ADAMTSL1: variants seen among roughly 807,000 people sequenced by gnomAD.
ADAMTSL1 encodes the protein ADAMTS-like protein 1.
In ADAMTSL1, 126 loss-of-function variants were observed where a neutral mutation model predicts 201.8. The observed-to-expected ratio is 0.62, with a 90% CI of 0.54 to 0.72. ADAMTSL1 has a LOEUF of 0.72. ADAMTSL1 is among the 30% of genes least tolerant of loss of function. The probability of loss-of-function intolerance (pLI) is 0.00; values close to 1 mark genes in which losing one functional copy is unlikely to be tolerated. For missense variants in ADAMTSL1, 2,679 were observed against 2,277.8 expected (o/e 1.18, Z -3.59); for synonymous variants, 1,121 against 903.4 (o/e 1.24, Z -4.32).
intron 2 of ADAMTSL1, among the ~76,000 whole-genome samples, chr9:18,197,918 C>T (rs1829257377): frequency 6.6e-6 from 1 of 151,956 alleles, no homozygotes; most frequent in African/African-American, 2.4e-5. Flanking sequence ...AGATATAGAT[C>T]AATGGAACAG....
chr9:18,277,841 C>T (rs766929351), intron 2 of ADAMTSL1, among the ~76,000 whole-genome samples: 1 of 152,114 alleles, frequency 6.6e-6, no homozygotes, highest in Non-Finnish European at 1.5e-5. Context: ...CTACTTATTT[C>T]TGAAGGAACA....
chr9:18,509,153 C>T lies in ADAMTSL1; in HGVS notation c.191+4197C>T, dbSNP rs1343272881. Among the ~76,000 whole-genome samples, 9 of 80,334 alleles carry T rather than the reference C, an allele frequency of 1.1e-4. 1 individual carries two copies. The South Asian group carries it at 2.6e-3, about 23-fold the overall frequency. 52.7% of individuals were successfully genotyped at this position (80,334 alleles called of 152,430 possible). ...GAGCCGAGATTGCGCCACTGCAGTC[C>T]GCAGTCCGGCCTGGGCGACAGAGCG... On this transcript the variant is annotated intron_variant, in intron 2 of 28. Transcript: ENST00000380548.
intron 1 of ADAMTSL1, among the ~76,000 whole-genome samples, chr9:17,922,940 C>A (rs547699719): frequency 6.6e-6 from 1 of 152,152 alleles, no homozygotes; most frequent in Non-Finnish European, 1.5e-5. Context: ...CCAACCCTTA[C>A]GCCCCTCGTG....
chr9:18,079,726 T>A (rs142899319), intron 1 of ADAMTSL1, among the ~76,000 whole-genome samples: 127 of 141,948 alleles, frequency 8.9e-4, no homozygotes, highest in African/African-American at 2.8e-3. Context: ...AATAAATAAA[T>A]AAAATAAAAA....
intron 2 of ADAMTSL1, among the ~76,000 whole-genome samples, chr9:18,402,562 C>T (rs1818024949): frequency 1.3e-5 from 2 of 152,124 alleles, no homozygotes; most frequent in Non-Finnish European, 2.9e-5. Context: ...TCCTAGGGCT[C>T]CTAGGGTGAA....
At chr9:17,972,067 A>G (rs1221590504) in intron 1 of ADAMTSL1, among the ~76,000 whole-genome samples, 2 of 151,804 alleles carry the variant, frequency 1.3e-5, no homozygotes, top group African/African-American at 4.8e-5. Context: ...ACTATACACT[A>G]ATTAACATAT....
chr9:18,646,319 A>G (rs1827809686), intron 7 of ADAMTSL1, among the ~76,000 whole-genome samples: 1 of 152,162 alleles, frequency 6.6e-6, no homozygotes, highest in African/African-American at 2.4e-5. Context: ...TAGATATACA[A>G]TCATGTCATC....
At chr9:18,875,888 T>G (rs1238112562) in intron 23 of ADAMTSL1, among the ~76,000 whole-genome samples, 1 of 152,198 alleles carries the variant, frequency 6.6e-6, no homozygotes, top group Non-Finnish European at 1.5e-5. Context: ...TCTCATTACT[T>G]AAGTCTGGTA....
chr9:18,562,953 G>C (rs1431303050), intron 3 of ADAMTSL1, among the ~76,000 whole-genome samples: 1 of 152,086 alleles, frequency 6.6e-6, no homozygotes, highest in Non-Finnish European at 1.5e-5. Context: ...CTTGCATTGG[G>C]TTAGAACATG....
At chr9:18,756,281 C>CAAAA (rs11326013) in intron 16 of ADAMTSL1, among the ~76,000 whole-genome samples, 41 of 68,482 alleles carry the variant, frequency 6.0e-4, no homozygotes, top group Admixed American at 9.9e-4. Context: ...TCTGTCTCGA[C>CAAAA]AAAAAAAAAA....
At chr9:18,590,000 C>A (rs1823802912) in intron 4 of ADAMTSL1, among the ~76,000 whole-genome samples, 1 of 152,114 alleles carries the variant, frequency 6.6e-6, no homozygotes. Flanking sequence ...CACATACGTT[C>A]ATGAAGGAGC....
chr9:17,943,384 T>G (rs1041821479), intron 1 of ADAMTSL1, among the ~76,000 whole-genome samples: 4 of 152,302 alleles, frequency 2.6e-5, no homozygotes, highest in Admixed American at 2.6e-4. Context: ...TTAGAAGTAT[T>G]GCTATTGGTT....
chr9:18,784,431 G>A (rs1821582479), intron 19 of ADAMTSL1, among the ~76,000 whole-genome samples: 1 of 152,214 alleles, frequency 6.6e-6, no homozygotes, highest in Non-Finnish European at 1.5e-5. Flanking sequence ...ACGATTAGGA[G>A]GGAGGTTTTC....
rs371194022 is a variant in ADAMTSL1 at position 18,366,142 on chromosome 9, C to G, written c.208-138687C>G. On this transcript the variant is annotated intron_variant, in intron 2 of 29. Coordinates refer to the ADAMTSL1 transcript ENST00000680146. ...TCTACTTTTTATTTATTTTTGGGTG[C>G]TGGAGTGAGGTTCCTTTGAATGCAA... Among the ~76,000 whole-genome samples, 9 of 151,938 alleles carry G rather than the reference C, an allele frequency of 5.9e-5. No individual in the cohort carries two copies. In the East Asian group the frequency reaches 9.7e-4, roughly 16 times the overall value.
At position 18,346,178 on chromosome 9, in the gene ADAMTSL1, C is replaced by T. The variant is rs527464631; in HGVS notation, c.208-158651C>T. Among the ~76,000 whole-genome samples the T allele has an allele frequency of 6.6e-5, 10 of 152,228 alleles. No individual in the cohort carries two copies. The South Asian group carries it at 1.9e-3, about 28-fold the overall frequency. ...CTTAGTACTTTACAAACATGAATCC[C>T]TACAATGATGAGACGATGAGGTAAT... On this transcript the variant is annotated intron_variant, in intron 2 of 29. Coordinates refer to the ADAMTSL1 transcript ENST00000680146.
chr9:17,934,029 C>G (rs1563904712), intron 1 of ADAMTSL1, among the ~76,000 whole-genome samples: 1 of 152,246 alleles, frequency 6.6e-6, no homozygotes, highest in East Asian at 1.9e-4. Context: ...ATCTGCTGCA[C>G]AAATGGCTCT....
chr9:17,915,927 G>A (rs1486441541), intron 1 of ADAMTSL1, among the ~76,000 whole-genome samples: 2 of 151,870 alleles, frequency 1.3e-5, no homozygotes, highest in Non-Finnish European at 2.9e-5. Context: ...TTCTGGCTGT[G>A]AATTTTTTTT....
At chr9:18,171,100 T>G (rs1827868734) in intron 2 of ADAMTSL1, among the ~76,000 whole-genome samples, 1 of 152,064 alleles carries the variant, frequency 6.6e-6, no homozygotes, top group Non-Finnish European at 1.5e-5. Flanking sequence ...AAGAAAAGGA[T>G]GAGTGTTGCT....
chr9:18,158,456 G>C (rs1827249438), intron 1 of ADAMTSL1, among the ~76,000 whole-genome samples: 1 of 151,826 alleles, frequency 6.6e-6, no homozygotes. Context: ...GAGGCCCATT[G>C]AGGGTGGATC....
Sources: gnomAD v4.1 joint callset for allele counts (sites outside exome capture counted in the v4.1 genomes callset) on GRCh38, gnomAD v4.1.1 for gene constraint, MANE v1.5 for transcripts, NCBI Gene and HGNC (gene_info 2026-07-23, HGNC 2026-07-21) for gene names.